COMMD1: variants seen among roughly 807,000 people sequenced by gnomAD.
COMMD1 encodes COMM domain-containing protein 1.
In COMMD1, 10 loss-of-function variants were observed where a neutral mutation model predicts 17.2. The ratio of observed to expected loss-of-function variants is 0.58; its 90% CI spans 0.36 to 0.99. The LOEUF (loss-of-function observed/expected upper bound fraction) is 0.99, where lower values mean the gene tolerates loss of function less well. Ranked by LOEUF, COMMD1 falls within the 50% of genes least tolerant of loss-of-function variation. COMMD1 has a pLI of 0.01. For synonymous variants in COMMD1, 97 were observed against 91.6 expected (o/e 1.06, Z -0.34); for missense variants, 270 against 231.8 (o/e 1.17, Z -1.07).
intron 2 of COMMD1, among the ~76,000 whole-genome samples, chr2:62,025,477 C>A (rs957390011): frequency 3.9e-5 from 6 of 152,040 alleles, no homozygotes; most frequent in Non-Finnish European, 7.4e-5. Flanking sequence ...CTGCAGTGAG[C>A]TCTGATTGTG....
intron 2 of COMMD1, among the ~76,000 whole-genome samples, chr2:62,017,959 A>T (rs1298330059): frequency 2.0e-5 from 3 of 150,772 alleles, no homozygotes; most frequent in Non-Finnish European, 4.4e-5. Flanking sequence ...TAGGAGGATC[A>T]CTGGAGCCTG....
chr2:61,953,269 C>T (rs1282219934), intron 1 of COMMD1, among the ~76,000 whole-genome samples: 2 of 152,104 alleles, frequency 1.3e-5, no homozygotes, highest in South Asian at 2.1e-4. Context: ...CTCGGCCTCC[C>T]AACGTGCTGC....
intron 1 of COMMD1, among the ~76,000 whole-genome samples, chr2:61,972,457 A>G (rs1558542808): frequency 6.6e-6 from 1 of 152,164 alleles, no homozygotes; most frequent in Non-Finnish European, 1.5e-5. Context: ...AGTTGTGTGT[A>G]ATGACTTCCT....
At chr2:62,067,567 G>C (rs1392471126) in intron 2 of COMMD1, among the ~76,000 whole-genome samples, 1 of 152,178 alleles carries the variant, frequency 6.6e-6, no homozygotes, top group Non-Finnish European at 1.5e-5. Context: ...TGACATGGAA[G>C]CCTTCAAAAA....
At chr2:62,118,946 C>G (rs1672673562) in intron 2 of COMMD1, 1 of 152,212 alleles carries the variant, frequency 6.6e-6, no homozygotes, top group South Asian at 2.1e-4. Flanking sequence ...TTGATAAGCA[C>G]AGGACCCTCT....
intron 2 of COMMD1, among the ~76,000 whole-genome samples, chr2:62,110,155 G>A (rs1672418841): frequency 6.6e-6 from 1 of 151,958 alleles, no homozygotes; most frequent in South Asian, 2.1e-4. Flanking sequence ...GCTCACTGCA[G>A]CCTTGACCTC....
intron 1 of COMMD1, among the ~76,000 whole-genome samples, chr2:61,935,578 A>T (rs1670585683): frequency 6.6e-6 from 1 of 150,464 alleles, no homozygotes; most frequent in Non-Finnish European, 1.5e-5. Flanking sequence ...CAGTGAGCCG[A>T]CCGAGATCAC....
chr2:62,033,223 C>A (rs1017041289), intron 2 of COMMD1, among the ~76,000 whole-genome samples: 5 of 152,030 alleles, frequency 3.3e-5, no homozygotes, highest in African/African-American at 1.2e-4. Context: ...TGATTTACTT[C>A]TTTTTTCTTT....
chr2:61,911,479 T>G (rs562977139), intron 1 of COMMD1, among the ~76,000 whole-genome samples: 33 of 152,180 alleles, frequency 2.2e-4, no homozygotes, highest in African/African-American at 7.7e-4. Flanking sequence ...TGTTATTTAT[T>G]TATTTATTTA....
At chr2:61,989,463 ATTT>A (rs1238326375) in intron 1 of COMMD1, among the ~76,000 whole-genome samples, 3 of 137,340 alleles carry the variant, frequency 2.2e-5, no homozygotes, top group African/African-American at 2.7e-5. Context: ...GCAAATATTG[ATTT>A]TTTTTTTTTT....
At chr2:62,088,787 C>T (rs1167938700) in intron 2 of COMMD1, among the ~76,000 whole-genome samples, 1 of 152,170 alleles carries the variant, frequency 6.6e-6, no homozygotes, top group Non-Finnish European at 1.5e-5. Flanking sequence ...TGATCATGGC[C>T]CCTGACACAG....
At chr2:62,060,706 C>G (rs972319833) in intron 2 of COMMD1, among the ~76,000 whole-genome samples, 1 of 152,042 alleles carries the variant, frequency 6.6e-6, no homozygotes, top group African/African-American at 2.4e-5. Flanking sequence ...ATCTGAAAAT[C>G]TTGTTATTTC....
chr2:62,055,935 G>C (rs747512186), intron 2 of COMMD1, among the ~76,000 whole-genome samples: 22 of 152,220 alleles, frequency 1.4e-4, no homozygotes, highest in Non-Finnish European at 2.9e-4. Context: ...GCTTGTTTTT[G>C]TGCACTGTAT....
At chr2:62,100,137 A>C (rs189739753) in intron 2 of COMMD1, 34 of 152,162 alleles carry the variant, frequency 2.2e-4, no homozygotes, top group Admixed American at 1.8e-3. Context: ...GCTCAGAATA[A>C]ATCAAGGACC....
intron 1 of COMMD1, among the ~76,000 whole-genome samples, chr2:61,950,982 AC>A (rs1423901155): frequency 6.6e-6 from 1 of 152,214 alleles, no homozygotes; most frequent in African/African-American, 2.4e-5. Context: ...TTGTTTACCA[AC>A]TTAAAATGGA....
At chr2:61,919,490 ATT>A (rs112361188) in intron 1 of COMMD1, among the ~76,000 whole-genome samples, 3 of 114,814 alleles carry the variant, frequency 2.6e-5, no homozygotes, top group African/African-American at 3.1e-5. Context: ...TAATTTTTGT[ATT>A]TTTTTTTTTT....
intron 1 of COMMD1, among the ~76,000 whole-genome samples, chr2:61,988,036 A>G (rs1672150804): frequency 6.6e-6 from 1 of 152,024 alleles, no homozygotes; most frequent in Non-Finnish European, 1.5e-5. Flanking sequence ...ATGCTTCCAA[A>G]TCTGCAACTC....
At chr2:62,132,710 G>C (rs538232568) in intron 2 of COMMD1, among the ~76,000 whole-genome samples, 1 of 152,060 alleles carries the variant, frequency 6.6e-6, no homozygotes, top group African/African-American at 2.4e-5. Context: ...TTAGCCAGGC[G>C]TGGTAGTGCA....
chr2:61,948,601 C>A (rs191878561), intron 1 of COMMD1, among the ~76,000 whole-genome samples: 1 of 152,150 alleles, frequency 6.6e-6, no homozygotes, highest in African/African-American at 2.4e-5. Flanking sequence ...ATACAGAATT[C>A]ACTAGTTTAA....
Sources: allele counts gnomAD v4.1 joint callset (sites outside exome capture counted in the v4.1 genomes callset), GRCh38; gene constraint gnomAD v4.1.1; transcripts MANE v1.5; gene names NCBI Gene and HGNC (gene_info 2026-07-23, HGNC 2026-07-21).